Variants in LRRTM4 observed in about 807,000 individuals in gnomAD.
LRRTM4 encodes the protein leucine-rich repeat transmembrane neuronal protein 4.
A neutral mutation model predicts 47.6 loss-of-function variants in LRRTM4; 25 were observed. The observed-to-expected ratio is 0.53, with a 90% CI of 0.38 to 0.73. LRRTM4 has a LOEUF of 0.73. Among genes scored for constraint, LRRTM4 ranks in the 30% least tolerant of loss-of-function variants. LRRTM4 has a pLI of 0.00. For synonymous variants in LRRTM4, 311 were observed against 269.5 expected (o/e 1.15, Z -1.51); for missense variants, 638 against 713.4 (o/e 0.89, Z 1.20).
chr2:77,121,987 G>A (rs1423758465), intron 3 of LRRTM4, among the ~76,000 whole-genome samples: 1 of 151,568 alleles, frequency 6.6e-6, no homozygotes, highest in African/African-American at 2.4e-5. Flanking sequence ...TTACTTCCTA[G>A]GTTGCCACTG....
intron 3 of LRRTM4, among the ~76,000 whole-genome samples, chr2:77,272,246 A>AT (rs1161794471): frequency 6.6e-6 from 1 of 152,090 alleles, no homozygotes; most frequent in South Asian, 2.1e-4. Context: ...TTATTGAGCC[A>AT]TTTTTTAGTG....
intron 3 of LRRTM4, among the ~76,000 whole-genome samples, chr2:76,968,340 G>GTATATATATATATATATA (rs61103340): frequency 5.2e-5 from 4 of 76,644 alleles, no homozygotes; most frequent in East Asian, 4.8e-4. Context: ...GTGTATGTGT[G>GTATATATATATATATATA]TATATATATA....
At chr2:77,112,963 A>AC (rs1671289945) in intron 3 of LRRTM4, among the ~76,000 whole-genome samples, 1 of 152,130 alleles carries the variant, frequency 6.6e-6, no homozygotes, top group Non-Finnish European at 1.5e-5. Context: ...TCCGAGACAG[A>AC]TTTTTCAACC....
At chr2:77,012,063 C>T (rs1573449561) in intron 3 of LRRTM4, among the ~76,000 whole-genome samples, 1 of 152,052 alleles carries the variant, frequency 6.6e-6, no homozygotes, top group Non-Finnish European at 1.5e-5. Context: ...TCCTTTACTC[C>T]TACCTTTCAA....
At chr2:77,218,972 C>T (rs774990668) in intron 3 of LRRTM4, among the ~76,000 whole-genome samples, 17 of 152,146 alleles carry the variant, frequency 1.1e-4, no homozygotes, top group Non-Finnish European at 1.8e-4. Context: ...TGTCATGATA[C>T]GTGCTAGGCG....
chr2:76,882,932 T>A (rs1216653269), intron 3 of LRRTM4, among the ~76,000 whole-genome samples: 1 of 152,092 alleles, frequency 6.6e-6, no homozygotes, highest in Non-Finnish European at 1.5e-5. Context: ...TTGCTTGGAT[T>A]GTTTGCTACA....
At chr2:77,487,380 G>A (rs1024297849) in intron 3 of LRRTM4, among the ~76,000 whole-genome samples, 4 of 152,218 alleles carry the variant, frequency 2.6e-5, no homozygotes, top group African/African-American at 9.6e-5. Context: ...GTAAAGTTGT[G>A]GCCGACTGGG....
chr2:76,968,256 T>TA (rs144819224), intron 3 of LRRTM4, among the ~76,000 whole-genome samples: 4 of 146,590 alleles, frequency 2.7e-5, no homozygotes, highest in Middle Eastern at 3.6e-3. Context: ...AAATTCTTTT[T>TA]AAAAAAAACA....
intron 3 of LRRTM4, among the ~76,000 whole-genome samples, chr2:76,940,507 G>A (rs528157660): frequency 6.6e-6 from 1 of 152,210 alleles, no homozygotes; most frequent in South Asian, 2.1e-4. Flanking sequence ...GTGAGAAGAG[G>A]GAGGGGATCA....
intron 3 of LRRTM4, among the ~76,000 whole-genome samples, chr2:76,786,693 C>G (rs1490955440): frequency 6.6e-6 from 1 of 151,888 alleles, no homozygotes; most frequent in African/African-American, 2.4e-5. Flanking sequence ...TCTTTGATTC[C>G]TGCTTTCTAA....
chr2:76,849,725 G>A (rs543738065), intron 3 of LRRTM4, among the ~76,000 whole-genome samples: 7 of 152,002 alleles, frequency 4.6e-5, no homozygotes, highest in Non-Finnish European at 5.9e-5. Context: ...AAATGCTTGC[G>A]AAAAGATTAT....
At chr2:77,270,082 A>G (rs1676151972) in intron 3 of LRRTM4, among the ~76,000 whole-genome samples, 1 of 152,204 alleles carries the variant, frequency 6.6e-6, no homozygotes, top group South Asian at 2.1e-4. Flanking sequence ...CTGTAGCAAG[A>G]TGTCTGGATT....
At chr2:76,798,881 C>G (rs1261727404) in intron 3 of LRRTM4, among the ~76,000 whole-genome samples, 4 of 152,176 alleles carry the variant, frequency 2.6e-5, no homozygotes, top group Non-Finnish European at 4.4e-5. Flanking sequence ...GACACATGCA[C>G]TCTCCCAAGA....
rs1679372620 is a variant in LRRTM4 at position 77,519,208 on chromosome 2, T to G, written c.661A>C (p.Asn221His). The stretch of plus-strand genomic sequence containing the variant: ...AAGAGACGTGGAAAATGAGCAAAGT[T>G]GATCTTGGAAAACTGGTTGTGCTCC... ...HLEHNQFSKI[N>H]FAHFPRLFNL... Residue 221 changes from asparagine (N) to histidine (H), a missense_variant, in exon 3 of 4, where the codon AAC becomes CAC. By Grantham distance (68) the Asn-to-His change is moderately conservative (BLOSUM62 1). Transcript: ENST00000409884. The surrounding 1 kb of genome is among the most constrained non-coding windows in gnomAD (Gnocchi z 4.6). 1 of 1,613,184 alleles carries G rather than the reference T, an allele frequency of 6.2e-7. No individual in the cohort carries two copies. Among genetic ancestry groups the G allele is most frequent in the Non-Finnish European group, 8.5e-7 (1 of 1,179,598 alleles).
intron 3 of LRRTM4, among the ~76,000 whole-genome samples, chr2:77,304,551 A>G (rs1677222532): frequency 6.6e-6 from 1 of 152,160 alleles, no homozygotes; most frequent in Non-Finnish European, 1.5e-5. Context: ...TGAAAAAAAT[A>G]CTTGAGACAT....
intron 3 of LRRTM4, among the ~76,000 whole-genome samples, chr2:76,900,977 G>A (rs905125481): frequency 2.6e-5 from 4 of 152,100 alleles, no homozygotes; most frequent in Admixed American, 2.6e-4. Flanking sequence ...TTTTTTTGGA[G>A]TAAGTAAATT....
At chr2:76,827,424 G>A (rs371759798) in intron 3 of LRRTM4, among the ~76,000 whole-genome samples, 20 of 151,826 alleles carry the variant, frequency 1.3e-4, no homozygotes, top group East Asian at 7.8e-4. Flanking sequence ...GTTACTAAGC[G>A]TTTGAGTCCC....
intron 3 of LRRTM4, among the ~76,000 whole-genome samples, chr2:77,249,505 A>G (rs534026176): frequency 6.7e-6 from 1 of 149,138 alleles, no homozygotes; most frequent in Non-Finnish European, 1.5e-5. Flanking sequence ...AAAAACTCTT[A>G]GATATCAACA....
chr2:77,172,544 A>T (rs1053854403), intron 3 of LRRTM4, among the ~76,000 whole-genome samples: 1 of 152,214 alleles, frequency 6.6e-6, no homozygotes, highest in Non-Finnish European at 1.5e-5. Flanking sequence ...CAGTGAGCCA[A>T]GTCGTGCCAC....
Sources: gnomAD v4.1 joint callset for allele counts (sites outside exome capture counted in the v4.1 genomes callset) on GRCh38, gnomAD v4.1.1 for gene constraint, Gnocchi (gnomAD v3.1) non-coding constraint, MANE v1.5 for transcripts, NCBI Gene and HGNC (gene_info 2026-07-23, HGNC 2026-07-21) for gene names.